The following PARL variants were observed in gnomAD, a reference collection of about 807,000 sequenced individuals.
PARL encodes presenilin associated rhomboid like, also known as presenilin-associated rhomboid-like protein, mitochondrial.
PARL carries 44 observed loss-of-function variants against 51.6 expected under a neutral mutation model. The observed-to-expected ratio is 0.85, with a 90% confidence interval of 0.67 to 1.10. The LOEUF (loss-of-function observed/expected upper bound fraction) is 1.10. Among genes scored for constraint, PARL ranks in the 50% least tolerant of loss-of-function variants. The pLI is 0.00. For synonymous variants in PARL, 172 were observed against 164.0 expected (o/e 1.05, Z -0.37); for missense variants, 441 against 469.5 (o/e 0.94, Z 0.56).
intron 5 of PARL, chr3:183,843,204 T>A: frequency 1.0e-6 from 1 of 985,054 alleles, no homozygotes; most frequent in Non-Finnish European, 1.2e-6. Flanking sequence ...TTTTTAAAAG[T>A]GACAAAAAGC....
intron 7 of PARL, among the ~76,000 whole-genome samples, chr3:183,839,114 G>A (rs13071135): frequency 0.067 from 10,219 of 152,248 alleles, 372 homozygotes; most frequent in African/African-American, 0.097. Flanking sequence ...CGAAGGGAAA[G>A]AAGGAGGCTT....
At chr3:183,843,775 G>A (rs540899657) in intron 5 of PARL, among the ~76,000 whole-genome samples, 2 of 152,238 alleles carry the variant, frequency 1.3e-5, no homozygotes, top group African/African-American at 4.8e-5. Context: ...AGCTTGCAGT[G>A]AGCTGAGATC....
Position 183,884,712 on chromosome 3 carries a change from C to T in PARL, c.125+10G>A, listed in dbSNP as rs1485809901. On this transcript the variant is annotated intron_variant, in intron 1 of 9. Transcript: ENST00000317096. The stretch of plus-strand genomic sequence containing the variant: ...AAGAGGCGAGAAGACCAGAGCGCGG[C>T]GGCTATTACCTGCGTCCGAGGAGCT... The T allele has an allele frequency of 1.6e-5, 26 of 1,586,222 alleles. No homozygotes were observed. Among genetic ancestry groups the T allele is most frequent in the Non-Finnish European group, 2.1e-5 (25 of 1,168,868 alleles).
At chr3:183,877,131 T>C (rs1414333507) in intron 1 of PARL, among the ~76,000 whole-genome samples, 1 of 152,144 alleles carries the variant, frequency 6.6e-6, no homozygotes, top group Admixed American at 6.5e-5. Context: ...GGAGAATCGC[T>C]TGAACTAAGG....
intron 1 of PARL, among the ~76,000 whole-genome samples, chr3:183,881,776 G>A (rs1030706014): frequency 1.3e-5 from 2 of 152,048 alleles, no homozygotes; most frequent in East Asian, 1.9e-4. Flanking sequence ...AAAGATACTG[G>A]GCGGGAGGAT....
chr3:183,878,324 C>T (rs1209177245), intron 1 of PARL, among the ~76,000 whole-genome samples: 1 of 152,174 alleles, frequency 6.6e-6, no homozygotes, highest in Non-Finnish European at 1.5e-5. Flanking sequence ...ATTACTTCCA[C>T]CACATGCTAC....
intron 1 of PARL, among the ~76,000 whole-genome samples, chr3:183,875,798 TC>T (rs989110197): frequency 3.7e-4 from 57 of 152,310 alleles, no homozygotes; most frequent in African/African-American, 1.3e-3. Flanking sequence ...GAAGATGCCA[TC>T]TAAGACTTTC....
intron 1 of PARL, among the ~76,000 whole-genome samples, chr3:183,868,440 A>T (rs1180559492): frequency 1.2e-4 from 18 of 151,574 alleles, no homozygotes; most frequent in Non-Finnish European, 1.0e-4. Flanking sequence ...AGGCTAGAGT[A>T]CGATTACTCC....
At chr3:183,855,069 T>C (rs149759384) in intron 4 of PARL, among the ~76,000 whole-genome samples, 1 of 152,046 alleles carries the variant, frequency 6.6e-6, no homozygotes, top group African/African-American at 2.4e-5. Context: ...ATTATGTGAC[T>C]TGATGTATAT....
chr3:183,883,680 A>G, intron 1 of PARL: 1 of 985,024 alleles, frequency 1.0e-6, no homozygotes, highest in Non-Finnish European at 1.2e-6. Flanking sequence ...AGTGCCTGAC[A>G]GATCTATGTT....
At chr3:183,841,192 C>T (rs186621352) in intron 6 of PARL, among the ~76,000 whole-genome samples, 26 of 152,312 alleles carry the variant, frequency 1.7e-4, no homozygotes, top group Admixed American at 3.3e-4. Flanking sequence ...TCTTTGGCTT[C>T]AGTGCCATTT....
At chr3:183,833,213 T>G (rs1297129348) in intron 9 of PARL, among the ~76,000 whole-genome samples, 1 of 152,130 alleles carries the variant, frequency 6.6e-6, no homozygotes, top group Non-Finnish European at 1.5e-5. Context: ...GGCTGCAGTC[T>G]TCTAAGAGGG....
At chr3:183,833,639 G>T in intron 8 of PARL, 50 bp from the exon 9 acceptor site, 2 of 1,492,576 alleles carry the variant, frequency 1.3e-6, no homozygotes, top group South Asian at 1.1e-5. Flanking sequence ...CTCCAGCACT[G>T]ACATTTCTAA....
chr3:183,877,463 C>T (rs963579115), intron 1 of PARL, among the ~76,000 whole-genome samples: 1 of 152,206 alleles, frequency 6.6e-6, no homozygotes, highest in Admixed American at 6.5e-5. Context: ...AGAGGATTTA[C>T]TCCTACTCTG....
At chr3:183,846,504 A>G (rs1202639065) in intron 4 of PARL, 1 of 983,700 alleles carries the variant, frequency 1.0e-6, no homozygotes, top group Non-Finnish European at 1.2e-6. Context: ...AAAAAAAAAA[A>G]GCGGGGGGAA....
intron 1 of PARL, among the ~76,000 whole-genome samples, chr3:183,876,355 A>C (rs1733802975): frequency 6.6e-6 from 1 of 151,994 alleles, no homozygotes; most frequent in African/African-American, 2.4e-5. Context: ...ACGGTTTACC[A>C]AATATTTTAA....
chr3:183,882,255 A>ATATATATATT (rs1553906135), intron 1 of PARL, among the ~76,000 whole-genome samples: 22 of 55,212 alleles, frequency 4.0e-4, no homozygotes, highest in African/African-American at 1.3e-3. Flanking sequence ...TTATATATAT[A>ATATATATATT]TATATATATA....
At chr3:183,847,944 C>T (rs1013444437) in intron 4 of PARL, among the ~76,000 whole-genome samples, 1 of 152,220 alleles carries the variant, frequency 6.6e-6, no homozygotes, top group Non-Finnish European at 1.5e-5. Context: ...CCTGCTTCTT[C>T]CTGACTCGGT....
chr3:183,864,551 C>A (rs543103554), intron 3 of PARL, among the ~76,000 whole-genome samples: 1 of 152,088 alleles, frequency 6.6e-6, no homozygotes, highest in South Asian at 2.1e-4. Flanking sequence ...CCGAGGTGGG[C>A]AGATCACGAG....
Sources: allele counts gnomAD v4.1 joint callset (sites outside exome capture counted in the v4.1 genomes callset), GRCh38; gene constraint gnomAD v4.1.1; transcripts MANE v1.5; gene names NCBI Gene and HGNC (gene_info 2026-07-23, HGNC 2026-07-21).